Variants in SLC5A7 observed in about 807,000 individuals in gnomAD.
SLC5A7 encodes high affinity choline transporter 1.
In SLC5A7, 19 loss-of-function variants were observed where a neutral mutation model predicts 55.4. The ratio of observed to expected loss-of-function variants is 0.34; its 90% confidence interval spans 0.24 to 0.50. The LOEUF is 0.50. Among genes scored for constraint, SLC5A7 ranks in the 20% least tolerant of loss-of-function variants. The pLI, the probability that SLC5A7 is intolerant of heterozygous loss-of-function variation, is 0.98. For missense variants in SLC5A7, 506 were observed against 705.3 expected (o/e 0.72, Z 3.20); for synonymous variants, 265 against 263.7 (o/e 1.00, Z -0.05).
intron 4 of SLC5A7, among the ~76,000 whole-genome samples, chr2:107,994,398 A>G (rs947553399): frequency 3.3e-5 from 5 of 152,308 alleles, no homozygotes; most frequent in African/African-American, 7.2e-5. Flanking sequence ...CCTGGCCAAC[A>G]TAGTGAAACC....
intron 2 of SLC5A7, among the ~76,000 whole-genome samples, chr2:107,990,861 T>G (rs1212930056): frequency 6.6e-6 from 1 of 152,206 alleles, no homozygotes; most frequent in Non-Finnish European, 1.5e-5. Context: ...ACTGTGAGAT[T>G]TTGGAAAATT....
chr2:107,994,659 C>T (rs1027691657), intron 4 of SLC5A7, among the ~76,000 whole-genome samples: 3 of 152,148 alleles, frequency 2.0e-5, no homozygotes, highest in South Asian at 2.1e-4. Flanking sequence ...TACTCCACAT[C>T]CACTGCTGCT....
chr2:108,003,642 C>G (rs1025402610), intron 6 of SLC5A7, among the ~76,000 whole-genome samples: 1 of 152,130 alleles, frequency 6.6e-6, no homozygotes, highest in South Asian at 2.1e-4. Flanking sequence ...ACACTTGGAA[C>G]CTTCCCACTG....
At chr2:108,009,479 ACAGGTC>A (rs563308597) in intron 8 of SLC5A7, among the ~76,000 whole-genome samples, 96 of 151,860 alleles carry the variant, frequency 6.3e-4, no homozygotes, top group Non-Finnish European at 1.0e-3. Flanking sequence ...ACGCCCCCCA[ACAGGTC>A]CCAGTGTGTG....
chr2:108,010,341 T>C lies in SLC5A7; in HGVS notation c.1223T>C (p.Leu408Pro). 1 of 1,613,954 alleles carries C rather than the reference T, an allele frequency of 6.2e-7. No individual in the cohort carries two copies. Among genetic ancestry groups the C allele is most frequent in the East Asian group, 2.2e-5 (1 of 44,864 alleles). The change falls in exon 9 of 9, where the codon CTC becomes CCC. Residue 408 changes from leucine to proline, a missense_variant. This residue lies in a region of SLC5A7 where 309 missense variants were observed against 478.6 expected (regional missense o/e 0.65). Coordinates refer to ENST00000264047, the MANE Select transcript of SLC5A7 (RefSeq NM_021815.5). ...LTKTVYGLWYLSSDLVYIVIF... is the reference protein window; with the variant it reads ...LTKTVYGLWYPSSDLVYIVIF... The stretch of plus-strand genomic sequence containing the variant: ...AAAACTGTGTATGGGCTCTGGTACC[T>C]CAGTTCTGACCTTGTTTACATCGTT...
At chr2:107,989,214 G>A (rs762936578) in intron 2 of SLC5A7, among the ~76,000 whole-genome samples, 14 of 152,176 alleles carry the variant, frequency 9.2e-5, no homozygotes, top group Middle Eastern at 3.2e-3. Flanking sequence ...TACAGTCTTA[G>A]TAGAGTTTTT....
chr2:107,995,224 T>C (rs757976162), intron 4 of SLC5A7, among the ~76,000 whole-genome samples: 5 of 152,212 alleles, frequency 3.3e-5, no homozygotes, highest in African/African-American at 7.2e-5. Flanking sequence ...CTATAGGCAA[T>C]TGTAATACAA....
intron 6 of SLC5A7, among the ~76,000 whole-genome samples, chr2:108,005,496 T>C (rs564218186): frequency 6.6e-6 from 1 of 152,380 alleles, no homozygotes; most frequent in Non-Finnish European, 1.5e-5. Flanking sequence ...AAATAATTGC[T>C]GTATGTAATT....
intron 5 of SLC5A7, among the ~76,000 whole-genome samples, chr2:108,000,991 A>T (rs116668917): frequency 1.5e-5 from 2 of 136,012 alleles, no homozygotes; most frequent in African/African-American, 5.6e-5. Flanking sequence ...TGCAATGTCC[A>T]GTCTCGGCTC....
rs1678410251 is a variant in SLC5A7 at position 108,013,288 on chromosome 2, C to T, written c.*2427C>T. Reference sequence around the variant, plus strand: ...ATAAATAATATTATATTGTATTTAACCCATTATTCCTCACCTACCCTCAAA... The same window carrying T: ...ATAAATAATATTATATTGTATTTAATCCATTATTCCTCACCTACCCTCAAA... On this transcript the variant is annotated 3_prime_UTR_variant, in exon 9 of 9. Coordinates refer to ENST00000264047, the MANE Select transcript of SLC5A7 (RefSeq NM_021815.5). 6.6e-6 allele frequency: 1 copy of T among 152,072 alleles called. No individual in the cohort carries two copies. The highest frequency in any genetic ancestry group is 2.4e-5 in the African/African-American group (1 of 41,406). The allele number at this position is 152,072 out of a possible 1,614,324, so 9.4% of individuals were successfully genotyped here. A position where few individuals can be genotyped will look rare whatever the true frequency, so the allele number is the denominator to read the frequency against.
rs577468282 is a variant in SLC5A7 at position 107,997,819 on chromosome 2, A to G, written c.449-19A>G. 2.5e-6 allele frequency: 4 copies of G among 1,594,158 alleles called. No homozygotes were observed. The Admixed American group carries it at 6.9e-5, about 28-fold the overall frequency. ...TCTGTCTGGGCACCTTGACCACAGA[A>G]CTCTCTTGTTTGTTTCAGGAGCCAC... On this transcript the variant is annotated intron_variant, in intron 4 of 8. Transcript: ENST00000264047.
chr2:107,994,916 A>T (rs1267652330), intron 4 of SLC5A7, among the ~76,000 whole-genome samples: 1 of 152,230 alleles, frequency 6.6e-6, no homozygotes, highest in Non-Finnish European at 1.5e-5. Flanking sequence ...TAGAATTAAT[A>T]AGCAAATGCT....
chr2:108,000,684 T>C (rs1275127554), intron 5 of SLC5A7, among the ~76,000 whole-genome samples: 1 of 152,018 alleles, frequency 6.6e-6, no homozygotes, highest in East Asian at 1.9e-4. Flanking sequence ...TGCCTCTGCC[T>C]CTCAGGTTTA....
intron 4 of SLC5A7, among the ~76,000 whole-genome samples, chr2:107,994,418 C>T (rs533342380): frequency 2.5e-4 from 38 of 152,182 alleles, no homozygotes; most frequent in Non-Finnish European, 7.4e-5. Context: ...CCCATCTCTA[C>T]TAAAAATACA....
chr2:107,990,875 CA>C, intron 2 of SLC5A7, among the ~76,000 whole-genome samples: 1 of 152,238 alleles, frequency 6.6e-6, no homozygotes, highest in Non-Finnish European at 1.5e-5. Context: ...GAAAATTCAT[CA>C]GAGTTAAATT....
Position 108,013,194 on chromosome 2 carries a change from C to G in SLC5A7, c.*2333C>G, listed in dbSNP as rs1341824354. 6.6e-6 allele frequency: 1 copy of G among 151,878 alleles called. No individual in the cohort carries two copies. The highest frequency in any genetic ancestry group is 1.5e-5 in the Non-Finnish European group (1 of 67,970). 9.4% of individuals were successfully genotyped at this position (151,878 alleles called of 1,614,324 possible). On this transcript the variant is annotated 3_prime_UTR_variant, in exon 9 of 9. Coordinates refer to ENST00000264047, the MANE Select transcript of SLC5A7 (RefSeq NM_021815.5). ...ACGTAATTCAATTTCTCACAATAGACAGAAACAGGGGGAAAATGTTTGCCC... is the reference window on the plus strand; with the variant it reads ...ACGTAATTCAATTTCTCACAATAGAGAGAAACAGGGGGAAAATGTTTGCCC...
At position 107,992,214 on chromosome 2, in the gene SLC5A7, T is replaced by A; in HGVS notation, c.287T>A (p.Ile96Asn). ...CCAATTGGATATTCTCTTAGTCTGA[T>A]TTTAGGTAAGTGAAAGTGCAAATCT... ...QAPIGYSLSL[I>N]LGGLFFAKPM... The change falls in exon 3 of 9, where the codon ATT becomes AAT. Residue 96 changes from isoleucine (I) to asparagine (N), a missense_variant. This residue lies in a region of SLC5A7 where 309 missense variants were observed against 478.6 expected (regional missense o/e 0.65). Transcript: ENST00000264047. The A allele has an allele frequency of 6.2e-7, 1 of 1,604,022 alleles. No individual in the cohort carries two copies. The highest frequency in any genetic ancestry group is 8.5e-7 in the Non-Finnish European group (1 of 1,171,004).
rs776353506 is a variant in SLC5A7, at chr2:108,008,562, T to C, written c.993T>C (p.Tyr331=). ...TTCTGCAGTATCTCTGCCCTGTGTA[T>C]ATTTCTTTCTTTGGTCTTGGTGCAG... ...PIVLQYLCPV[Y]ISFFGLGAVS... The change falls in exon 8 of 9, where the codon TAT becomes TAC. Residue 331 remains tyrosine (Y), a synonymous_variant. Transcript: ENST00000264047. The C allele has an allele frequency of 1.2e-6, 2 of 1,613,528 alleles. No homozygotes were observed. Among genetic ancestry groups the C allele is most frequent in the African/African-American group, 2.7e-5 (2 of 74,814 alleles).
intron 5 of SLC5A7, among the ~76,000 whole-genome samples, chr2:108,001,327 G>A (rs545262615): frequency 2.6e-5 from 4 of 152,148 alleles, no homozygotes; most frequent in African/African-American, 9.6e-5. Context: ...CTTCCTAGAG[G>A]TTTTATGTTG....
Sources: gnomAD v4.1 joint callset for allele counts (sites outside exome capture counted in the v4.1 genomes callset) on GRCh38, gnomAD v4.1.1 for gene constraint, gnomAD v4.1.1 regional missense constraint, MANE v1.5 for transcripts, NCBI Gene and HGNC (gene_info 2026-07-23, HGNC 2026-07-21) for gene names.